The following ACTR3C variants were observed in gnomAD, a reference collection of about 807,000 sequenced individuals.
ACTR3C encodes actin related protein 3C.
In ACTR3C, 18 loss-of-function variants were observed where a neutral mutation model predicts 26.3. The ratio of observed to expected loss-of-function variants is 0.68; its 90% CI spans 0.47 to 1.01. ACTR3C has a LOEUF of 1.01. ACTR3C is among the 50% of genes least tolerant of loss of function. The probability of loss-of-function intolerance (pLI) is 0.00; values close to 1 mark genes in which losing one functional copy is unlikely to be tolerated. For missense variants in ACTR3C, 184 were observed against 250.7 expected (o/e 0.73, Z 1.80); for synonymous variants, 55 against 94.5 (o/e 0.58, Z 2.42).
downstream of ACTR3C, among the ~76,000 whole-genome samples, chr7:150,243,596 C>A (rs1332828111): frequency 6.6e-6 from 1 of 152,046 alleles, no homozygotes; most frequent in Non-Finnish European, 1.5e-5. Context: ...CCTGCAGATA[C>A]CGAAATCCAC....
chr7:150,253,646 G>C lies in ACTR3C; in HGVS notation c.565-4592C>G, dbSNP rs553578112. Among the ~76,000 whole-genome samples, 25 of 151,886 alleles carry C rather than the reference G, an allele frequency of 1.6e-4. No homozygotes were observed. The South Asian group carries it at 5.0e-3, about 30-fold the overall frequency. Reference sequence around the variant, plus strand: ...TACCAAATACCAATCATAATATCCAGAAGTACAAATTAATAATGGGATAGT... The same window carrying C: ...TACCAAATACCAATCATAATATCCACAAGTACAAATTAATAATGGGATAGT... On this transcript the variant is annotated intron_variant, in intron 6 of 7. Coordinates refer to ENST00000683684, the MANE Select transcript of ACTR3C (RefSeq NM_001164458.2).
chr7:149,932,188 G>A, the ACTR3C span, among the ~76,000 whole-genome samples: 6 of 152,132 alleles, frequency 3.9e-5, no homozygotes, highest in Admixed American at 6.5e-5. Context: ...TCTATAACAC[G>A]GATGAATCTT....
chr7:150,252,282 A>G (rs1832909012), intron 6 of ACTR3C, among the ~76,000 whole-genome samples: 1 of 152,214 alleles, frequency 6.6e-6, no homozygotes, highest in Admixed American at 6.5e-5. Flanking sequence ...TTTGGAGAAC[A>G]TGGACATATA....
chr7:149,889,226 C>A, the ACTR3C span, among the ~76,000 whole-genome samples: 2 of 152,132 alleles, frequency 1.3e-5, no homozygotes, highest in East Asian at 3.9e-4. Context: ...GAACTGCAGC[C>A]CTACCTTAGA....
chr7:149,906,425 T>G, the ACTR3C span, among the ~76,000 whole-genome samples: 138 of 24,516 alleles, frequency 5.6e-3, no homozygotes, highest in South Asian at 0.021. Flanking sequence ...TTTTTTTTTT[T>G]TTTTTTTTTT....
intron 5 of ACTR3C, among the ~76,000 whole-genome samples, chr7:150,286,009 C>T (rs2286451): frequency 0.043 from 6,525 of 152,190 alleles, 228 homozygotes; most frequent in Admixed American, 0.07. Context: ...CATATTATCC[C>T]ACTCTTATGC....
the ACTR3C span, among the ~76,000 whole-genome samples, chr7:150,035,448 G>C: frequency 7.3e-5 from 8 of 109,188 alleles, 2 homozygotes; most frequent in South Asian, 2.8e-4. Flanking sequence ...GACTCGCGGG[G>C]GGTGCCTCCC....
the ACTR3C span, among the ~76,000 whole-genome samples, chr7:150,111,020 G>C: frequency 0.29 from 42,739 of 147,754 alleles, 6,237 homozygotes; most frequent in African/African-American, 0.38. Flanking sequence ...TAAAACAGTG[G>C]TCCACGCTCT....
chr7:150,230,701 C>T, the ACTR3C span, among the ~76,000 whole-genome samples: 3 of 152,328 alleles, frequency 2.0e-5, no homozygotes, highest in African/African-American at 7.2e-5. Context: ...AAATTATCTT[C>T]CACAAAACCA....
chr7:150,219,753 TAAAGTTAATG>T, the ACTR3C span, among the ~76,000 whole-genome samples: 1 of 143,612 alleles, frequency 7.0e-6, no homozygotes, highest in Non-Finnish European at 1.5e-5. Context: ...ATCGCTCCAT[TAAAGTTAATG>T]AAGCACGTGT....
chr7:150,267,081 C>G (rs567862520), intron 6 of ACTR3C, among the ~76,000 whole-genome samples: 1 of 152,340 alleles, frequency 6.6e-6, no homozygotes, highest in Admixed American at 6.5e-5. Flanking sequence ...CTGGAAACAA[C>G]TCAAATGTCC....
chr7:150,023,552 T>C, the ACTR3C span, among the ~76,000 whole-genome samples: 1 of 151,922 alleles, frequency 6.6e-6, no homozygotes, highest in African/African-American at 2.4e-5. Flanking sequence ...AAAAATAACT[T>C]ACTTTTAAAT....
At chr7:150,087,195 A>AAAG in the ACTR3C span, among the ~76,000 whole-genome samples, 1 of 151,090 alleles carries the variant, frequency 6.6e-6, no homozygotes, top group African/African-American at 2.4e-5. Flanking sequence ...AAAAAAAAAA[A>AAAG]AAAAAAAAAG....
At chr7:150,107,792 C>T in the ACTR3C span, among the ~76,000 whole-genome samples, 9 of 151,386 alleles carry the variant, frequency 5.9e-5, 1 homozygote, top group Non-Finnish European at 1.0e-4. Context: ...AAATAATGGA[C>T]AGTATTTCAA....
At chr7:150,227,645 A>C in the ACTR3C span, among the ~76,000 whole-genome samples, 1 of 130,954 alleles carries the variant, frequency 7.6e-6, no homozygotes, top group Non-Finnish European at 1.6e-5. Context: ...GCCCTGATAC[A>C]TTTTCAGTTA....
chr7:149,933,658 A>G, the ACTR3C span, among the ~76,000 whole-genome samples: 1 of 152,202 alleles, frequency 6.6e-6, no homozygotes, highest in African/African-American at 2.4e-5. Flanking sequence ...TCGACTCAAC[A>G]CTAGCAACAC....
chr7:150,164,384 T>G, the ACTR3C span, among the ~76,000 whole-genome samples: 1 of 152,196 alleles, frequency 6.6e-6, no homozygotes, highest in Non-Finnish European at 1.5e-5. Context: ...AGATCCTCGG[T>G]GTGTCCTCAA....
the ACTR3C span, chr7:149,890,795 A>G: frequency 1.2e-4 from 21 of 176,172 alleles, no homozygotes; most frequent in East Asian, 9.7e-4. Flanking sequence ...TTTCTGGGAA[A>G]GGGTCTCTAA....
chr7:149,983,449 G>GTATA, the ACTR3C span, among the ~76,000 whole-genome samples: 17 of 23,324 alleles, frequency 7.3e-4, 2 homozygotes, highest in African/African-American at 2.2e-3. Context: ...GTGTGTGTGT[G>GTATA]TATATATATA....
Sources: gnomAD v4.1 joint callset for allele counts (sites outside exome capture counted in the v4.1 genomes callset) on GRCh38, gnomAD v4.1.1 for gene constraint, MANE v1.5 for transcripts, NCBI Gene and HGNC (gene_info 2026-07-23, HGNC 2026-07-21) for gene names.